Variants in SUSD6 observed in about 807,000 individuals in gnomAD.
SUSD6 encodes sushi domain containing 6, also known as sushi domain-containing protein 6.
A neutral mutation model predicts 28.4 loss-of-function variants in SUSD6; 16 were observed. The observed-to-expected ratio is 0.56, with a 90% CI of 0.38 to 0.86. SUSD6 has a LOEUF of 0.86. SUSD6 is among the 40% of genes least tolerant of loss of function. SUSD6 has a pLI of 0.00. For synonymous variants in SUSD6, 147 were observed against 159.6 expected, an observed-to-expected ratio of 0.92 and a Z score of 0.59; for missense variants, 341 against 384.2, an observed-to-expected ratio of 0.89 and a Z score of 0.94.
intron 1 of SUSD6, among the ~76,000 whole-genome samples, chr14:69,646,705 T>TC: frequency 7.0e-6 from 1 of 143,604 alleles, no homozygotes; most frequent in East Asian, 2.0e-4. Flanking sequence ...TCCATCTTTT[T>TC]TTTTTTTTTT....
intron 1 of SUSD6, among the ~76,000 whole-genome samples, chr14:69,630,289 C>G (rs1476770638): frequency 1.3e-5 from 2 of 152,152 alleles, no homozygotes; most frequent in Admixed American, 6.5e-5. Flanking sequence ...CTGTAAAGAT[C>G]TTGTGGAAGT....
intron 1 of SUSD6, chr14:69,615,509 C>T (rs1030079336): frequency 6.6e-5 from 10 of 152,246 alleles, no homozygotes; most frequent in Non-Finnish European, 8.8e-5. Flanking sequence ...CCTTTTTCTT[C>T]CCTTTTTAGT....
intron 2 of SUSD6, among the ~76,000 whole-genome samples, chr14:69,690,249 A>G (rs1283209742): frequency 6.6e-6 from 1 of 151,844 alleles, no homozygotes; most frequent in Non-Finnish European, 1.5e-5. Flanking sequence ...TTGAGACTCT[A>G]CTCCTGACTG....
At chr14:69,637,667 T>C (rs1885285347) in intron 1 of SUSD6, among the ~76,000 whole-genome samples, 2 of 152,190 alleles carry the variant, frequency 1.3e-5, no homozygotes, top group Non-Finnish European at 2.9e-5. Context: ...CAAGAATTGC[T>C]TCCACCAGGG....
chr14:69,663,307 G>A (rs902149676), intron 2 of SUSD6, among the ~76,000 whole-genome samples: 5 of 152,126 alleles, frequency 3.3e-5, no homozygotes, highest in African/African-American at 9.7e-5. Flanking sequence ...ATGTTAGGCC[G>A]TGTTAAACAT....
intron 1 of SUSD6, among the ~76,000 whole-genome samples, chr14:69,618,292 A>T (rs971865775): frequency 6.6e-6 from 1 of 152,230 alleles, no homozygotes; most frequent in African/African-American, 2.4e-5. Flanking sequence ...AATGGATTTT[A>T]TGTTTAGACC....
At chr14:69,638,783 A>G (rs1566592218) in intron 1 of SUSD6, among the ~76,000 whole-genome samples, 1 of 152,104 alleles carries the variant, frequency 6.6e-6, no homozygotes, top group South Asian at 2.1e-4. Context: ...TAAAAGACTG[A>G]CCTAGGGAAG....
chr14:69,650,511 A>G (rs1002108737), intron 1 of SUSD6, among the ~76,000 whole-genome samples: 2 of 152,212 alleles, frequency 1.3e-5, no homozygotes, highest in Admixed American at 6.5e-5. Flanking sequence ...GAAAACAGGC[A>G]TGGAAGCAAA....
chr14:69,657,656 G>T (rs1885602814), intron 1 of SUSD6, among the ~76,000 whole-genome samples: 1 of 152,138 alleles, frequency 6.6e-6, no homozygotes, highest in South Asian at 2.1e-4. Flanking sequence ...ACTGGCAAAT[G>T]AAATTAAATA....
Position 69,711,900 on chromosome 14 carries a change from T to G in SUSD6, c.*921T>G, listed in dbSNP as rs1233536881. 1.3e-5 allele frequency: 2 copies of G among 152,252 alleles called. No homozygotes were observed. The highest frequency in any genetic ancestry group is 4.8e-5 in the African/African-American group (2 of 41,454). 9.4% of individuals were successfully genotyped at this position (152,252 alleles called of 1,614,324 possible). A position where few individuals can be genotyped will look rare whatever the true frequency, so the allele number is the denominator to read the frequency against. The stretch of plus-strand genomic sequence containing the variant: ...CCTCCTGGGTTTTATCCCAGATAGC[T>G]CTGGCTTTCTTGCTGCCCACAGGGG... On this transcript the variant is annotated 3_prime_UTR_variant, in exon 6 of 6. Coordinates refer to ENST00000342745, the MANE Select transcript of SUSD6 (RefSeq NM_014734.4).
intron 2 of SUSD6, among the ~76,000 whole-genome samples, chr14:69,692,425 C>A (rs1886166207): frequency 6.6e-6 from 1 of 152,162 alleles, no homozygotes; most frequent in African/African-American, 2.4e-5. Flanking sequence ...AATGCAGACT[C>A]TAGTACTTAG....
chr14:69,618,217 C>A (rs1884986764), intron 1 of SUSD6, among the ~76,000 whole-genome samples: 1 of 152,142 alleles, frequency 6.6e-6, no homozygotes, highest in African/African-American at 2.4e-5. Flanking sequence ...CACACCTGAC[C>A]TCATGTTTTA....
At chr14:69,658,013 A>G (rs1269984247) in intron 1 of SUSD6, among the ~76,000 whole-genome samples, 2 of 152,238 alleles carry the variant, frequency 1.3e-5, no homozygotes, top group African/African-American at 4.8e-5. Context: ...CCGGCTCATC[A>G]GCCTTTGGCA....
chr14:69,702,281 C>G (rs1490199082), intron 2 of SUSD6, among the ~76,000 whole-genome samples: 1 of 152,202 alleles, frequency 6.6e-6, no homozygotes, highest in Non-Finnish European at 1.5e-5. Flanking sequence ...CTACCTCAGC[C>G]CAACATTCCA....
intron 4 of SUSD6, among the ~76,000 whole-genome samples, chr14:69,707,049 T>C (rs1886396981): frequency 6.7e-6 from 1 of 149,834 alleles, no homozygotes; most frequent in Non-Finnish European, 1.5e-5. Context: ...AGAAAAACTA[T>C]AGTGGACTGT....
chr14:69,614,473 C>A (rs544035096), intron 1 of SUSD6, among the ~76,000 whole-genome samples: 1 of 152,334 alleles, frequency 6.6e-6, no homozygotes, highest in African/African-American at 2.4e-5. Context: ...TACATGCACA[C>A]ACACACCCCT....
intron 2 of SUSD6, among the ~76,000 whole-genome samples, chr14:69,678,764 C>T (rs1300712551): frequency 3.9e-5 from 6 of 152,138 alleles, no homozygotes; most frequent in African/African-American, 1.2e-4. Flanking sequence ...AAATGTGCCA[C>T]TGCACTCCAG....
chr14:69,646,020 G>A (rs1385510328), intron 1 of SUSD6, among the ~76,000 whole-genome samples: 1 of 152,140 alleles, frequency 6.6e-6, no homozygotes, highest in Non-Finnish European at 1.5e-5. Flanking sequence ...AAAGTGCTGG[G>A]ATTACAAGCG....
At chr14:69,695,772 G>C (rs552427059) in intron 2 of SUSD6, among the ~76,000 whole-genome samples, 1 of 152,264 alleles carries the variant, frequency 6.6e-6, no homozygotes, top group African/African-American at 2.4e-5. Context: ...GTTTCTAGAG[G>C]GTTTTTTGTG....
Sources: gnomAD v4.1 joint callset for allele counts (sites outside exome capture counted in the v4.1 genomes callset) on GRCh38, gnomAD v4.1.1 for gene constraint, MANE v1.5 for transcripts, NCBI Gene and HGNC (gene_info 2026-07-23, HGNC 2026-07-21) for gene names.